LRRC32: variants seen among roughly 807,000 people sequenced by gnomAD.
LRRC32 encodes the protein transforming growth factor beta activator LRRC32.
LRRC32 carries 5 observed loss-of-function variants against 15.0 expected under a neutral mutation model. The observed-to-expected ratio is 0.33, with a 90% CI of 0.17 to 0.70. LRRC32 has a LOEUF of 0.70. Ranked by LOEUF, LRRC32 falls within the 30% of genes least tolerant of loss-of-function variation. The pLI is 0.66. For missense variants in LRRC32, 803 were observed against 854.2 expected, an observed-to-expected ratio of 0.94 and a Z score of 0.75; for synonymous variants, 391 against 403.9, an observed-to-expected ratio of 0.97 and a Z score of 0.38.
At position 76,660,719 on chromosome 11, in the gene LRRC32, C is replaced by T. The variant is rs749558497; in HGVS notation, c.874G>A (p.Ala292Thr). The T allele has an allele frequency of 1.2e-5, 19 of 1,613,902 alleles. No homozygotes were observed. The highest frequency in any genetic ancestry group is 1.0e-4 in the Admixed American group (6 of 59,996). ...GPPQDSKGIH[A>T]PSEGWSALPL... Reference sequence around the variant, plus strand: ...AGGGCTGACCAGCCCTCGGAAGGTGCGTGGATGCCCTTGCTGTCCTGGGGT... The same window carrying T: ...AGGGCTGACCAGCCCTCGGAAGGTGTGTGGATGCCCTTGCTGTCCTGGGGT... The change falls in exon 3 of 3, where the codon GCA becomes ACA. Residue 292 changes from alanine to threonine, a missense_variant. Coordinates refer to ENST00000260061, the MANE Select transcript of LRRC32 (RefSeq NM_001128922.2).
rs369688581 is a variant in LRRC32, at chr11:76,661,166, G to A, written c.427C>T (p.Arg143Trp). 237 of 1,613,806 alleles carry A rather than the reference G, an allele frequency of 1.5e-4. No homozygotes were observed. Among genetic ancestry groups the A allele is most frequent in the Non-Finnish European group, 1.9e-4 (220 of 1,179,928 alleles). The change falls in exon 3 of 3, where the codon CGG becomes TGG. Residue 143 changes from arginine to tryptophan, a missense_variant. Coordinates refer to ENST00000260061, the MANE Select transcript of LRRC32 (RefSeq NM_001128922.2). ...AGGCTGGGTGCCTCCCCCAGCAGCC[G>A]CTCCAGCAGGCCGCTGTACAGGCTG... is the stretch of plus-strand genomic sequence containing the variant. The part of the protein sequence containing the change: ...GNSLYSGLLE[R>W]LLGEAPSLHT...
At position 76,659,470 on chromosome 11, in the gene LRRC32, A is replaced by C; in HGVS notation, c.*134T>G. The C allele has an allele frequency of 4.2e-6, 4 of 960,730 alleles. No individual in the cohort carries two copies. The highest frequency in any genetic ancestry group is 6.0e-6 in the Non-Finnish European group (4 of 664,034). The allele number at this position is 960,730 out of a possible 1,614,324, so 59.5% of individuals were successfully genotyped here. ...GTCACCCACTGATGCAGCAGGCGGCAGAGAAAGGTGTCCTGGGCTGTAATT... is the reference window on the plus strand; with the variant it reads ...GTCACCCACTGATGCAGCAGGCGGCCGAGAAAGGTGTCCTGGGCTGTAATT... On this transcript the variant is annotated 3_prime_UTR_variant, in exon 3 of 3. Coordinates refer to ENST00000260061, the MANE Select transcript of LRRC32 (RefSeq NM_001128922.2).
Position 76,659,645 on chromosome 11 carries a change from A to G in LRRC32, c.1948T>C (p.Cys650Arg). The change falls in exon 3 of 3, where the codon TGC becomes CGC. Residue 650 changes from cysteine to arginine, a missense_variant. Cys to Arg is a radical substitution (Grantham distance 180, BLOSUM62 -3). Coordinates refer to ENST00000260061, the MANE Select transcript of LRRC32 (RefSeq NM_001128922.2). ...TGGTTAAACTTCTGCCGGCGGACGCAGCAGCAGGCGGCCAGCGTGGTGAGG... is the reference window on the plus strand; with the variant it reads ...TGGTTAAACTTCTGCCGGCGGACGCGGCAGCAGGCGGCCAGCGTGGTGAGG... ...ILLTTLAACCCVRRQKFNQQY... is the reference protein window; with the variant it reads ...ILLTTLAACCRVRRQKFNQQY... 6.2e-7 allele frequency: 1 copy of G among 1,614,156 alleles called. No homozygotes were observed. Among genetic ancestry groups the G allele is most frequent in the Non-Finnish European group, 8.5e-7 (1 of 1,180,028 alleles).
rs369287185 is a variant in LRRC32, at chr11:76,661,001, G to A, written c.592C>T (p.Arg198Cys). The change falls in exon 3 of 3, where the codon CGC (arginine) becomes TGC (cysteine). Residue 198 changes from arginine (R) to cysteine (C), a missense_variant. Arg to Cys is a radical substitution (Grantham distance 180, BLOSUM62 -3). Coordinates refer to ENST00000260061, the MANE Select transcript of LRRC32 (RefSeq NM_001128922.2). ...CTGGAGAGGTTGAGATGGGTCAGGC[G>A]GGGCAGACCCTCGAAGGCGCCATCC... ...IEDGAFEGLPRLTHLNLSRNS... is the reference protein window; with the variant it reads ...IEDGAFEGLPCLTHLNLSRNS... 2.9e-5 allele frequency: 47 copies of A among 1,613,982 alleles called. No individual in the cohort carries two copies. Among genetic ancestry groups the A allele is most frequent in the South Asian group, 2.2e-4 (20 of 91,088 alleles).
In LRRC32 at chr11:76,660,063, C is replaced by T. The variant is rs186237154; in HGVS notation, c.1530G>A (p.Leu510=). The T allele has an allele frequency of 6.2e-7, 1 of 1,614,122 alleles. No individual in the cohort carries two copies. Among genetic ancestry groups the T allele is most frequent in the African/African-American group, 1.3e-5 (1 of 75,074 alleles). The part of the protein sequence containing the change: ...GNGLMVLQVD[L]PCFICLKRLN... ...GCCGCTTGAGGCAGATGAAGCAGGG[C>T]AGGTCCACCTGCAGGACCATCAGCC... The change falls in exon 3 of 3, where the codon CTG becomes CTA. Residue 510 remains leucine, a synonymous_variant. Transcript: ENST00000260061.
chr11:76,669,091 G>T (rs1238231399), intron 1 of LRRC32, among the ~76,000 whole-genome samples: 1 of 152,224 alleles, frequency 6.6e-6, no homozygotes, highest in Non-Finnish European at 1.5e-5. Flanking sequence ...TGTCCTGTCT[G>T]CAGGGTAGGC....
intron 2 of LRRC32, 71 bp downstream of exon 2, chr11:76,665,800 C>G: frequency 6.3e-7 from 1 of 1,597,402 alleles, no homozygotes; most frequent in Non-Finnish European, 8.6e-7. Flanking sequence ...GCTTCTGGGG[C>G]TGGGGCACTA....
At position 76,660,216 on chromosome 11, in the gene LRRC32, C is replaced by A; in HGVS notation, c.1377G>T (p.Arg459Ser). The A allele has an allele frequency of 1.3e-6, 2 of 1,578,176 alleles. No individual in the cohort carries two copies. Among genetic ancestry groups the A allele is most frequent in the Non-Finnish European group, 1.7e-6 (2 of 1,163,856 alleles). ...GTGGGGTGTGGAGGAAGGCCCCTGCCCTGAGCAGCTCTATCTCATTATCCA... is the reference window on the plus strand; with the variant it reads ...GTGGGGTGTGGAGGAAGGCCCCTGCACTGAGCAGCTCTATCTCATTATCCA... ...SLVDNEIELL[R>S]AGAFLHTPLT... The change falls in exon 3 of 3, where the codon AGG becomes AGT. Residue 459 changes from arginine (R) to serine (S), a missense_variant. By Grantham distance (110) the Arg-to-Ser change is moderately radical. Coordinates refer to ENST00000260061, the MANE Select transcript of LRRC32 (RefSeq NM_001128922.2).
chr11:76,663,393 G>A (rs1952570740), intron 2 of LRRC32: 2 of 152,248 alleles, frequency 1.3e-5, no homozygotes, highest in African/African-American at 4.8e-5. Context: ...TTCACAGTGA[G>A]CCAGTGGCTG....
At position 76,660,506 on chromosome 11, in the gene LRRC32, G is replaced by A; in HGVS notation, c.1087C>T (p.Pro363Ser). ...CTTAAGTCAAGGAGCATCAGGCAGG[G>A]CAGGGAGCCTAAGCGCCGGGCCTCA... ...TFEARRLGSL[P>S]CLMLLDLSHN... is the part of the protein sequence containing the mutation. Residue 363 changes from proline to serine, a missense_variant, in exon 3 of 3, where the codon CCC becomes TCC. Physicochemically the swap from Pro to Ser is moderately conservative, Grantham distance 74. Transcript: ENST00000260061. The A allele has an allele frequency of 6.2e-7, 1 of 1,614,132 alleles. No individual in the cohort carries two copies. The highest frequency in any genetic ancestry group is 1.3e-5 in the African/African-American group (1 of 75,074).
rs750116377 is a variant in LRRC32 at position 76,661,076 on chromosome 11, G to T, written c.517C>A (p.Pro173Thr). ...RLTRHTFRDMPALEQLDLHSN... is the reference protein window; with the variant it reads ...RLTRHTFRDMTALEQLDLHSN... The stretch of plus-strand genomic sequence containing the variant: ...TGCAGGTCAAGCTGCTCCAGCGCAG[G>T]CATGTCCCGGAAGGTGTGGCGGGTG... Residue 173 changes from proline (P) to threonine (T), a missense_variant, in exon 3 of 3, where the codon CCT (proline) becomes ACT (threonine). Pro to Thr is a conservative substitution (Grantham distance 38). Coordinates refer to ENST00000260061, the MANE Select transcript of LRRC32 (RefSeq NM_001128922.2). The T allele has an allele frequency of 6.2e-7, 1 of 1,614,224 alleles. No homozygotes were observed.
Position 76,659,166 on chromosome 11 carries a change from G to A in LRRC32, c.*438C>T, listed in dbSNP as rs868820439. The A allele has an allele frequency of 9.3e-5, 16 of 171,866 alleles. No homozygotes were observed. The highest frequency in any genetic ancestry group is 2.7e-3 in the Middle Eastern group (1 of 372). The allele number at this position is 171,866 out of a possible 1,614,324, so 10.6% of individuals were successfully genotyped here. On this transcript the variant is annotated 3_prime_UTR_variant, in exon 3 of 3. Transcript: ENST00000260061. ...CCGCACCAAACCAGCGGGGCCTGCCGAGCTCTGGAGCCCTGGGCTTTCACA... is the reference window on the plus strand; with the variant it reads ...CCGCACCAAACCAGCGGGGCCTGCCAAGCTCTGGAGCCCTGGGCTTTCACA...
rs540435032 is a variant in LRRC32, at chr11:76,658,231, A to G, written c.*1373T>C. ...TCTCCACAAGTTTCATTCTCTTCCT[A>G]AGCCTCAGTTTCCCCATCTGTGCAA... is the stretch of plus-strand genomic sequence containing the variant. On this transcript the variant is annotated 3_prime_UTR_variant, in exon 3 of 3. Coordinates refer to ENST00000260061, the MANE Select transcript of LRRC32 (RefSeq NM_001128922.2). 6.6e-6 allele frequency: 1 copy of G among 152,466 alleles called. No individual in the cohort carries two copies. Among genetic ancestry groups the G allele is most frequent in the Non-Finnish European group, 1.5e-5 (1 of 68,074 alleles). The allele number at this position is 152,466 out of a possible 1,614,324, so 9.4% of individuals were successfully genotyped here.
At chr11:76,664,970 C>T (rs776707838) in intron 2 of LRRC32, among the ~76,000 whole-genome samples, 2 of 152,222 alleles carry the variant, frequency 1.3e-5, no homozygotes, top group Non-Finnish European at 2.9e-5. Flanking sequence ...GAAGCAGCTG[C>T]CGGTTCTGTG....
chr11:76,663,536 A>G (rs1474639128), intron 2 of LRRC32: 2 of 152,110 alleles, frequency 1.3e-5, no homozygotes, highest in African/African-American at 4.8e-5. Flanking sequence ...GGCTCTTCTT[A>G]CTCCATGCAG....
rs1952698191 is a variant in LRRC32, at chr11:76,670,733, C to A, written c.-124G>T. The stretch of plus-strand genomic sequence containing the variant: ...TCACGGCCCGAGGAGGAGCAGGCCG[C>A]TCAGCTGCCCCACCGGAGCCCCCGC... On this transcript the variant is annotated 5_prime_UTR_variant, in exon 1 of 3. Coordinates refer to ENST00000260061, the MANE Select transcript of LRRC32 (RefSeq NM_001128922.2). The A allele has an allele frequency of 6.6e-6, 1 of 152,142 alleles. No homozygotes were observed. The highest frequency in any genetic ancestry group is 6.5e-5 in the Admixed American group (1 of 15,282). The allele number at this position is 152,142 out of a possible 1,614,324, so 9.4% of individuals were successfully genotyped here. A position where few individuals can be genotyped will look rare whatever the true frequency, so the allele number is the denominator to read the frequency against.
At chr11:76,667,966 T>C (rs1952651873) in intron 1 of LRRC32, among the ~76,000 whole-genome samples, 1 of 152,256 alleles carries the variant, frequency 6.6e-6, no homozygotes, top group Admixed American at 6.5e-5. Context: ...AAGTCTGGAC[T>C]ATGTCCTCCA....
chr11:76,665,772 T>C, intron 2 of LRRC32, 99 bp downstream of exon 2: 1 of 1,561,956 alleles, frequency 6.4e-7, no homozygotes, highest in Non-Finnish European at 8.7e-7. Flanking sequence ...TTTCCTCTCC[T>C]GACTCTTCTA....
Position 76,659,613 on chromosome 11 carries a change from A to G in LRRC32, c.1980T>C (p.Tyr660=). The G allele has an allele frequency of 6.2e-7, 1 of 1,614,004 alleles. No individual in the cohort carries two copies. The highest frequency in any genetic ancestry group is 8.5e-7 in the Non-Finnish European group (1 of 1,179,988). The part of the protein sequence containing the change: ...CVRRQKFNQQ[Y]KA ...GTGTCTCCCGGCTTCTTTAGGCTTT[A>G]TACTGTTGGTTAAACTTCTGCCGGC... is the stretch of plus-strand genomic sequence containing the variant. Residue 660 remains tyrosine, a synonymous_variant, in exon 3 of 3, where the codon TAT becomes TAC. Coordinates refer to ENST00000260061, the MANE Select transcript of LRRC32 (RefSeq NM_001128922.2).
Sources: gnomAD v4.1 joint callset for allele counts (sites outside exome capture counted in the v4.1 genomes callset) on GRCh38, gnomAD v4.1.1 for gene constraint, MANE v1.5 for transcripts, NCBI Gene and HGNC (gene_info 2026-07-23, HGNC 2026-07-21) for gene names.